PDE10A: variants seen among roughly 807,000 people sequenced by gnomAD.
The protein encoded by PDE10A is cAMP and cAMP-inhibited cGMP 3',5'-cyclic phosphodiesterase 10A.
A neutral mutation model predicts 97.7 loss-of-function variants in PDE10A; 39 were observed. The ratio of observed to expected loss-of-function variants is 0.40; its 90% CI spans 0.31 to 0.52. PDE10A has a LOEUF of 0.52. Among genes scored for constraint, PDE10A ranks in the 20% least tolerant of loss-of-function variants. The pLI is 0.56. For missense variants in PDE10A, 731 were observed against 1,047.8 expected (o/e 0.70, Z 4.17); for synonymous variants, 371 against 376.8 (o/e 0.98, Z 0.18).
At chr6:165,870,328 C>G (rs183926124) in intron 1 of PDE10A, among the ~76,000 whole-genome samples, 1 of 152,072 alleles carries the variant, frequency 6.6e-6, no homozygotes, top group African/African-American at 2.4e-5. Flanking sequence ...GACATACAAA[C>G]GGCCAAGAAG....
intron 2 of PDE10A, among the ~76,000 whole-genome samples, chr6:165,517,679 C>T (rs993054368): frequency 2.0e-5 from 3 of 152,092 alleles, no homozygotes; most frequent in Non-Finnish European, 4.4e-5. Context: ...AAACACAGAA[C>T]TATAGTGATC....
intron 1 of PDE10A, among the ~76,000 whole-genome samples, chr6:165,746,394 G>A (rs1459139138): frequency 2.6e-5 from 4 of 152,188 alleles, no homozygotes; most frequent in African/African-American, 9.7e-5. Flanking sequence ...CCTGGGAATA[G>A]CATTGAACAA....
intron 1 of PDE10A, among the ~76,000 whole-genome samples, chr6:165,786,346 G>A (rs1291344142): frequency 6.6e-6 from 1 of 152,204 alleles, no homozygotes; most frequent in East Asian, 1.9e-4. Context: ...ACTAAGCGCT[G>A]TATGAAAAGA....
intron 1 of PDE10A, among the ~76,000 whole-genome samples, chr6:165,727,872 A>G (rs541412687): frequency 6.6e-5 from 10 of 152,246 alleles, no homozygotes; most frequent in Non-Finnish European, 1.5e-4. Context: ...ATACAAATCT[A>G]AGGCTGCTTT....
At chr6:165,777,889 C>A (rs6919206) in intron 1 of PDE10A, among the ~76,000 whole-genome samples, 1 of 151,788 alleles carries the variant, frequency 6.6e-6, no homozygotes, top group Non-Finnish European at 1.5e-5. Context: ...GCCTCTGCCC[C>A]CTAGAGGGCC....
intron 1 of PDE10A, among the ~76,000 whole-genome samples, chr6:165,827,367 G>C (rs559173661): frequency 6.6e-6 from 1 of 152,238 alleles, no homozygotes; most frequent in East Asian, 1.9e-4. Flanking sequence ...GGTGCCCGGT[G>C]ACAGCGCCAA....
At chr6:165,664,115 G>A (rs1312104709), upstream of PDE10A, among the ~76,000 whole-genome samples, 1 of 152,148 alleles carries the variant, frequency 6.6e-6, no homozygotes, top group Non-Finnish European at 1.5e-5. Context: ...CTTCCCCGGA[G>A]TGGAGCACAC....
At chr6:165,539,901 G>A (rs1255900463) in intron 2 of PDE10A, among the ~76,000 whole-genome samples, 1 of 151,988 alleles carries the variant, frequency 6.6e-6, no homozygotes. Context: ...ACTCCAGCCT[G>A]GGCAACAGAG....
chr6:165,358,360 T>C (rs897942321), intron 18 of PDE10A, among the ~76,000 whole-genome samples: 15 of 152,146 alleles, frequency 9.9e-5, no homozygotes, highest in African/African-American at 3.4e-4. Flanking sequence ...TGTTCGTTTG[T>C]TTTTGAAGCT....
At chr6:165,936,588 G>T (rs1783337685) in intron 1 of PDE10A, among the ~76,000 whole-genome samples, 1 of 152,166 alleles carries the variant, frequency 6.6e-6, no homozygotes, top group African/African-American at 2.4e-5. Flanking sequence ...GAGGGGAGCT[G>T]CCAGGCAGGG....
At chr6:165,675,215 G>A (rs1409292650) in intron 1 of PDE10A, among the ~76,000 whole-genome samples, 1 of 152,186 alleles carries the variant, frequency 6.6e-6, no homozygotes, top group African/African-American at 2.4e-5. Flanking sequence ...TTCCCAGCCT[G>A]AGATTTAAGT....
At chr6:165,842,827 G>A (rs1037498881) in intron 1 of PDE10A, among the ~76,000 whole-genome samples, 2 of 152,194 alleles carry the variant, frequency 1.3e-5, no homozygotes, top group Admixed American at 1.3e-4. Flanking sequence ...CAGTTAAAAC[G>A]GACTTGGAAT....
chr6:165,619,412 G>GTGTAGTCTAGTGTAC (rs1562634735), intron 1 of PDE10A, among the ~76,000 whole-genome samples: 12 of 119,122 alleles, frequency 1.0e-4, no homozygotes, highest in East Asian at 2.3e-4. Flanking sequence ...GTGTAGTCTA[G>GTGTAGTCTAGTGTAC]TGTAGTGTAG....
intron 1 of PDE10A, among the ~76,000 whole-genome samples, chr6:165,831,478 C>CTT (rs200237321): frequency 0.83 from 111,420 of 133,762 alleles, 46,671 homozygotes; most frequent in Admixed American, 0.86. Context: ...TTGCAGGAGT[C>CTT]TTTTTTTTTT....
intron 1 of PDE10A, among the ~76,000 whole-genome samples, chr6:165,899,739 C>T (rs146962094): frequency 3.6e-3 from 554 of 152,314 alleles, no homozygotes; most frequent in Middle Eastern, 0.014. Flanking sequence ...CCAGGTGCTG[C>T]GTCCTGTGGT....
intron 1 of PDE10A, among the ~76,000 whole-genome samples, chr6:165,793,395 T>C (rs977957239): frequency 2.0e-5 from 3 of 152,060 alleles, no homozygotes; most frequent in Admixed American, 1.3e-4. Context: ...TGCAAGCTCT[T>C]ATTAGCAGAA....
chr6:165,892,512 C>T (rs1168221817), intron 1 of PDE10A, among the ~76,000 whole-genome samples: 1 of 152,218 alleles, frequency 6.6e-6, no homozygotes, highest in East Asian at 1.9e-4. Context: ...CAGAAGGTGT[C>T]ATGGCAGCTG....
Position 165,762,130 on chromosome 6 carries a change from T to G in PDE10A, c.-614-218562A>C, listed in dbSNP as rs143501692. On this transcript the variant is annotated intron_variant, in intron 1 of 19. Coordinates refer to the PDE10A transcript ENST00000366882. Reference sequence around the variant, plus strand: ...CTGAACAATAAGATGCCAGACCACTTATCAGTCATGATTGCCTATCCAGCA... The same window carrying G: ...CTGAACAATAAGATGCCAGACCACTGATCAGTCATGATTGCCTATCCAGCA... Among the ~76,000 whole-genome samples, 6 of 151,324 alleles carry G rather than the reference T, an allele frequency of 4.0e-5. No individual in the cohort carries two copies. In the East Asian group the frequency reaches 1.2e-3, roughly 29 times the overall value.
intron 1 of PDE10A, among the ~76,000 whole-genome samples, chr6:165,863,085 C>G (rs1780951813): frequency 6.6e-6 from 1 of 152,176 alleles, no homozygotes; most frequent in South Asian, 2.1e-4. Flanking sequence ...TCAAAAAATT[C>G]CATGCCAATT....
Sources: gnomAD v4.1 joint callset for allele counts (sites outside exome capture counted in the v4.1 genomes callset) on GRCh38, gnomAD v4.1.1 for gene constraint, MANE v1.5 for transcripts, NCBI Gene and HGNC (gene_info 2026-07-23, HGNC 2026-07-21) for gene names.